NAP1L3: variants seen among roughly 807,000 people sequenced by gnomAD.
NAP1L3 encodes nucleosome assembly protein 1 like 3, also known as nucleosome assembly protein 1-like 3.
For synonymous variants in NAP1L3, 127 were observed against 131.9 expected (o/e 0.96, Z 0.25); for missense variants, 378 against 369.9 (o/e 1.02, Z -0.18).
rs762947325 is a variant in NAP1L3, at chrX:93,673,105, C to G, written c.200G>C (p.Ser67Thr). ...GSGSSSSSSG[S>T]TSSRSRLYRK... ...ATACAAGCGGCTGCGGCTGCTAGTGCTGCCGCTGCTGCTGCTGCTGCTGCC... is the reference window on the plus strand; with the variant it reads ...ATACAAGCGGCTGCGGCTGCTAGTGGTGCCGCTGCTGCTGCTGCTGCTGCC... Residue 67 changes from serine (S) to threonine (T), a missense_variant, in exon 1 of 1, where the codon AGC (serine) becomes ACC (threonine). Coordinates refer to ENST00000373079, the MANE Select transcript of NAP1L3 (RefSeq NM_004538.6). The G allele has an allele frequency of 1.1e-5, 13 of 1,203,316 alleles. No homozygotes were observed. In the African/African-American group the frequency reaches 1.9e-4, roughly 18 times the overall value.
rs1924373529 is a variant in NAP1L3, at chrX:93,672,030, T to G, written c.1275A>C (p.Gly425=). 2 of 1,197,067 alleles carry G rather than the reference T, an allele frequency of 1.7e-6. No homozygotes were observed. Among genetic ancestry groups the G allele is most frequent in the African/African-American group, 3.5e-5 (2 of 56,852 alleles). ...TTTQSRTTAT[G]EIEIQPRVVP... ...CCACTCTTGGCTGGATTTCAATTTC[T>G]CCAGTAGCAGTTGTGCGACTCTGGG... Residue 425 remains glycine, a synonymous_variant, in exon 1 of 1, where the codon GGA becomes GGC. Transcript: ENST00000373079.
At position 93,673,118 on chromosome X, in the gene NAP1L3, TGCTGCTGCTGCCGCTGCC is replaced by T. The variant is rs752265568; in HGVS notation, c.169_186del (p.Gly57_Ser62del). On this transcript the variant is annotated inframe_deletion, in exon 1 of 1. Coordinates refer to ENST00000373079, the MANE Select transcript of NAP1L3 (RefSeq NM_004538.6). ...CGGCTGCTAGTGCTGCCGCTGCTGC[TGCTGCTGCTGCCGCTGCC>T]GCTGCTGCTGCCACTAGTGCTGCTG... 12 of 1,193,030 alleles carry T rather than the reference TGCTGCTGCTGCCGCTGCC, an allele frequency of 1.0e-5. No individual in the cohort carries two copies. In the Admixed American group the frequency reaches 1.7e-4, roughly 17 times the overall value.
rs996096538 is a variant in NAP1L3, at chrX:93,670,988, GAA to G, written c.*794_*795del. 10 of 111,756 alleles carry G rather than the reference GAA, an allele frequency of 8.9e-5. No homozygotes were observed. The highest frequency in any genetic ancestry group is 3.3e-4 in the African/African-American group (10 of 30,724). 9.2% of individuals were successfully genotyped at this position (111,756 alleles called of 1,213,427 possible). On this transcript the variant is annotated 3_prime_UTR_variant, in exon 1 of 1. Coordinates refer to ENST00000373079, the MANE Select transcript of NAP1L3 (RefSeq NM_004538.6). The stretch of plus-strand genomic sequence containing the variant: ...ATTTTAGGTTGCAATACAAGAACAT[GAA>G]AAACAGTATCAAATGAAGTGATCAT...
chrX:93,671,827 T>C lies in NAP1L3; in HGVS notation c.1478A>G (p.Tyr493Cys), dbSNP rs138218471. Reference protein sequence around the residue: ...YYTGEVNGTYYQFGKHYGNKK... With the variant: ...YYTGEVNGTYCQFGKHYGNKK... ...GTTTCCATAATGTTTGCCAAATTGATAGTAGGTACCATTGACTTCTCCAGT... is the reference window on the plus strand; with the variant it reads ...GTTTCCATAATGTTTGCCAAATTGACAGTAGGTACCATTGACTTCTCCAGT... Residue 493 changes from tyrosine (Y) to cysteine (C), a missense_variant, in exon 1 of 1, where the codon TAT becomes TGT. Physicochemically the swap from Tyr to Cys is radical, Grantham distance 194. Transcript: ENST00000373079. The C allele has an allele frequency of 2.0e-4, 245 of 1,203,874 alleles. No homozygotes were observed. In the African/African-American group the frequency reaches 3.7e-3, roughly 18 times the overall value.
chrX:93,671,738 T>C lies in NAP1L3; in HGVS notation c.*46A>G. Reference sequence around the variant, plus strand: ...TTTTTCAAGGCTGTATGAATCTGCTTCACTTCTTGAGATTTTAAGATTCTT... The same window carrying C: ...TTTTTCAAGGCTGTATGAATCTGCTCCACTTCTTGAGATTTTAAGATTCTT... On this transcript the variant is annotated 3_prime_UTR_variant, in exon 1 of 1. Coordinates refer to ENST00000373079, the MANE Select transcript of NAP1L3 (RefSeq NM_004538.6). The C allele has an allele frequency of 8.7e-7, 1 of 1,147,598 alleles. No homozygotes were observed. Among genetic ancestry groups the C allele is most frequent in the Non-Finnish European group, 1.2e-6 (1 of 865,096 alleles). 94.6% of individuals were successfully genotyped at this position (1,147,598 alleles called of 1,213,427 possible). A position where few individuals can be genotyped will look rare whatever the true frequency, so the allele number is the denominator to read the frequency against.
In NAP1L3 at chrX:93,672,838, T is replaced by C; in HGVS notation, c.467A>G (p.Glu156Gly). The C allele has an allele frequency of 8.3e-7, 1 of 1,211,728 alleles. No homozygotes were observed. The highest frequency in any genetic ancestry group is 1.1e-6 in the Non-Finnish European group (1 of 895,580). The change falls in exon 1 of 1, where the codon GAG becomes GGG. Residue 156 changes from glutamate to glycine, a missense_variant. By Grantham distance (98) the Glu-to-Gly change is moderately conservative. Coordinates refer to ENST00000373079, the MANE Select transcript of NAP1L3 (RefSeq NM_004538.6). ...CCATTCACATTCTTCTTCTGTAGGCTCGTATTCTGCATTGATGATTTGAAA... is the reference window on the plus strand; with the variant it reads ...CCATTCACATTCTTCTTCTGTAGGCCCGTATTCTGCATTGATGATTTGAAA... ...RRFQIINAEY[E>G]PTEEECEWNS...
At position 93,672,443 on chromosome X, in the gene NAP1L3, T is replaced by C. The variant is rs1924392504; in HGVS notation, c.862A>G (p.Arg288Gly). The C allele has an allele frequency of 8.3e-7, 1 of 1,211,713 alleles. No individual in the cohort carries two copies. The highest frequency in any genetic ancestry group is 1.1e-6 in the Non-Finnish European group (1 of 895,518). Residue 288 changes from arginine to glycine, a missense_variant, in exon 1 of 1, where the codon AGG becomes GGG. Coordinates refer to ENST00000373079, the MANE Select transcript of NAP1L3 (RefSeq NM_004538.6). ...RETHKRVPEE[R>G]LQDSVDLKRA... ...TTAAGATCTACACTGTCCTGAAGCC[T>C]TTCCTCAGGAACTCTTTTATGAGTC...
chrX:93,671,276 T>G lies in NAP1L3; in HGVS notation c.*508A>C, dbSNP rs1924350202. Reference sequence around the variant, plus strand: ...AGCAGTCAAACTTCAAAATACACTGTTTTATTTACTATAAGTACTGGATTT... The same window carrying G: ...AGCAGTCAAACTTCAAAATACACTGGTTTATTTACTATAAGTACTGGATTT... On this transcript the variant is annotated 3_prime_UTR_variant, in exon 1 of 1. Transcript: ENST00000373079. 1 of 113,083 alleles carries G rather than the reference T, an allele frequency of 8.8e-6. No individual in the cohort carries two copies. The highest frequency in any genetic ancestry group is 3.2e-5 in the African/African-American group (1 of 30,919). 9.3% of individuals were successfully genotyped at this position (113,083 alleles called of 1,213,427 possible).
rs1196607199 is a variant in NAP1L3, at chrX:93,672,210, G to A, written c.1095C>T (p.Asn365=). 1.7e-6 allele frequency: 2 copies of A among 1,209,729 alleles called. No individual in the cohort carries two copies. Among genetic ancestry groups the A allele is most frequent in the African/African-American group, 1.8e-5 (1 of 57,034 alleles). The part of the protein sequence containing the change: ...SYTFEFHFLP[N]PYFRNEVLVK... Reference sequence around the variant, plus strand: ...CCAGCACCTCATTTCTGAAGTATGGGTTGGGTAGAAAATGAAATTCAAAGG... The same window carrying A: ...CCAGCACCTCATTTCTGAAGTATGGATTGGGTAGAAAATGAAATTCAAAGG... Residue 365 remains asparagine, a synonymous_variant, in exon 1 of 1, where the codon AAC becomes AAT. Coordinates refer to ENST00000373079, the MANE Select transcript of NAP1L3 (RefSeq NM_004538.6).
chrX:93,672,898 T>A lies in NAP1L3; in HGVS notation c.407A>T (p.Tyr136Phe). The change falls in exon 1 of 1, where the codon TAT (tyrosine) becomes TTT (phenylalanine). Residue 136 changes from tyrosine (Y) to phenylalanine (F), a missense_variant. Physicochemically the swap from Tyr to Phe is conservative, Grantham distance 22 (BLOSUM62 3). Coordinates refer to ENST00000373079, the MANE Select transcript of NAP1L3 (RefSeq NM_004538.6). ...ATACAGAGGCTTGTTGAGTTCAGCATATTTTCTTTCAAGATCATGAATTGC... is the reference window on the plus strand; with the variant it reads ...ATACAGAGGCTTGTTGAGTTCAGCAAATTTTCTTTCAAGATCATGAATTGC... ...LKAIHDLERKYAELNKPLYDR... is the reference protein window; with the variant it reads ...LKAIHDLERKFAELNKPLYDR... 1 of 1,211,625 alleles carries A rather than the reference T, an allele frequency of 8.3e-7. No homozygotes were observed. The highest frequency in any genetic ancestry group is 1.1e-6 in the Non-Finnish European group (1 of 895,449).
chrX:93,673,441 C>T lies in NAP1L3; in HGVS notation c.-137G>A. Reference sequence around the variant, plus strand: ...CGGCGATGGCAGCAGCGGCGCAGAGCGGAGCTGGAGCTGGGGATGCAGAGG... The same window carrying T: ...CGGCGATGGCAGCAGCGGCGCAGAGTGGAGCTGGAGCTGGGGATGCAGAGG... On this transcript the variant is annotated 5_prime_UTR_variant, in exon 1 of 1. Transcript: ENST00000373079. 9.8e-7 allele frequency: 1 copy of T among 1,021,073 alleles called. No individual in the cohort carries two copies. The highest frequency in any genetic ancestry group is 1.3e-6 in the Non-Finnish European group (1 of 774,827). The allele number at this position is 1,021,073 out of a possible 1,213,427, so 84.1% of individuals were successfully genotyped here.
Position 93,673,050 on chromosome X carries a change from T to A in NAP1L3, c.255A>T (p.Arg85Ser). ...TTCCCAACGGGGCCCGCCGCGCCCT[T>A]CTGGAAGGCTCAGGTACCCTCTTCT... Reference protein sequence around the residue: ...YRKKRVPEPSRRARRAPLGTN... With the variant: ...YRKKRVPEPSSRARRAPLGTN... Residue 85 changes from arginine to serine, a missense_variant, in exon 1 of 1, where the codon AGA becomes AGT. Transcript: ENST00000373079. 8.3e-7 allele frequency: 1 copy of A among 1,211,256 alleles called. No individual in the cohort carries two copies. Among genetic ancestry groups the A allele is most frequent in the Non-Finnish European group, 1.1e-6 (1 of 895,461 alleles).
rs1187768074 is a variant in NAP1L3, at chrX:93,671,290, A to G, written c.*494T>C. The G allele has an allele frequency of 8.8e-6, 1 of 113,325 alleles. No individual in the cohort carries two copies. The highest frequency in any genetic ancestry group is 1.9e-5 in the Non-Finnish European group (1 of 53,774). The allele number at this position is 113,325 out of a possible 1,213,427, so 9.3% of individuals were successfully genotyped here. A position where few individuals can be genotyped will look rare whatever the true frequency, so the allele number is the denominator to read the frequency against. On this transcript the variant is annotated 3_prime_UTR_variant, in exon 1 of 1. Transcript: ENST00000373079. ...AAAATACACTGTTTTATTTACTATA[A>G]GTACTGGATTTCTATAGCAAACTAA... is the stretch of plus-strand genomic sequence containing the variant.
chrX:93,671,383 A>G lies in NAP1L3; in HGVS notation c.*401T>C, dbSNP rs1440321295. 1 of 119,821 alleles carries G rather than the reference A, an allele frequency of 8.3e-6. No individual in the cohort carries two copies. The highest frequency in any genetic ancestry group is 1.7e-5 in the Non-Finnish European group (1 of 58,454). The allele number at this position is 119,821 out of a possible 1,213,427, so 9.9% of individuals were successfully genotyped here. A position where few individuals can be genotyped will look rare whatever the true frequency, so the allele number is the denominator to read the frequency against. On this transcript the variant is annotated 3_prime_UTR_variant, in exon 1 of 1. Coordinates refer to ENST00000373079, the MANE Select transcript of NAP1L3 (RefSeq NM_004538.6). The stretch of plus-strand genomic sequence containing the variant: ...ATGGGCTGGAAAAAAGAAAAAAATA[A>G]AACACTTGCATTGGTACTTCATGAA...
rs1487521370 is a variant in NAP1L3 at position 93,672,590 on chromosome X, T to C, written c.715A>G (p.Lys239Glu). 3.3e-6 allele frequency: 4 copies of C among 1,209,697 alleles called. No individual in the cohort carries two copies. The highest frequency in any genetic ancestry group is 3.5e-5 in the South Asian group (2 of 56,802). Residue 239 changes from lysine to glutamate, a missense_variant, in exon 1 of 1, where the codon AAA (lysine) becomes GAA (glutamate). Physicochemically the swap from Lys to Glu is moderately conservative, Grantham distance 56 (BLOSUM62 1). Transcript: ENST00000373079. ...TCAGGGGTTGCCTCCATACAGTCTT[T>C]AGAATCTGCTTTTTCTTCAGCCTTT... ...EVKAEEKADS[K>E]DCMEATPEVK...
chrX:93,671,762 T>C lies in NAP1L3; in HGVS notation c.*22A>G, dbSNP rs1432532346. 1.0e-5 allele frequency: 12 copies of C among 1,169,504 alleles called. No homozygotes were observed. The highest frequency in any genetic ancestry group is 1.4e-5 in the Non-Finnish European group (12 of 876,755). ...TTCACTTCTTGAGATTTTAAGATTC[T>C]TGAAAAATCTTTCAGATTGACTTAT... is the stretch of plus-strand genomic sequence containing the variant. On this transcript the variant is annotated 3_prime_UTR_variant, in exon 1 of 1. Coordinates refer to ENST00000373079, the MANE Select transcript of NAP1L3 (RefSeq NM_004538.6).
rs748285907 is a variant in NAP1L3 at position 93,673,153 on chromosome X, GTGC to G, written c.149_151del (p.Ser50del). The G allele has an allele frequency of 8.5e-5, 101 of 1,184,780 alleles. No homozygotes were observed. Among genetic ancestry groups the G allele is most frequent in the East Asian group, 4.2e-4 (14 of 33,196 alleles). ...GCCGCTGCCGCTGCTGCTGCCACTA[GTGC>G]TGCTGCTGCTGCTGCTGTCACTAGT... On this transcript the variant is annotated inframe_deletion, in exon 1 of 1. Coordinates refer to ENST00000373079, the MANE Select transcript of NAP1L3 (RefSeq NM_004538.6).
rs200693451 is a variant in NAP1L3 at position 93,672,148 on chromosome X, T to C, written c.1157A>G (p.Asn386Ser). 12 of 1,211,783 alleles carry C rather than the reference T, an allele frequency of 9.9e-6. No homozygotes were observed. The South Asian group carries it at 1.2e-4, about 12-fold the overall frequency. The change falls in exon 1 of 1, where the codon AAT (asparagine) becomes AGT (serine). Residue 386 changes from asparagine to serine, a missense_variant. Physicochemically the swap from Asn to Ser is conservative, Grantham distance 46. Transcript: ENST00000373079. ...CCATCCCCAAGAAAAGAAGGGATCA[T>C]TGTGATCTGGTTTTGCCTTTATTAT... ...TYIIKAKPDH[N>S]DPFFSWGWEI...
chrX:93,672,972 A>G lies in NAP1L3; in HGVS notation c.333T>C (p.Leu111=), dbSNP rs1474800207. Residue 111 remains leucine, a synonymous_variant, in exon 1 of 1, where the codon CTT becomes CTC. Coordinates refer to ENST00000373079, the MANE Select transcript of NAP1L3 (RefSeq NM_004538.6). ...TGTCACATTCATCTTGAATGTTTCT[A>G]AGCGCTTGCACACGATTTCTAACTG... ...PQAVRNRVQA[L]RNIQDECDKV... 2.5e-6 allele frequency: 3 copies of G among 1,210,105 alleles called. No homozygotes were observed. Among genetic ancestry groups the G allele is most frequent in the Non-Finnish European group, 3.4e-6 (3 of 895,296 alleles).
Sources: allele counts gnomAD v4.1 joint callset, GRCh38; gene constraint gnomAD v4.1.1; transcripts MANE v1.5; gene names NCBI Gene and HGNC (gene_info 2026-07-23, HGNC 2026-07-21).